The following PLCB4 variants were observed in gnomAD, a reference collection of about 807,000 sequenced individuals.
The protein encoded by PLCB4 is phospholipase C beta 4, also known as 1-phosphatidylinositol 4,5-bisphosphate phosphodiesterase beta-4.
In PLCB4, 77 loss-of-function variants were observed where a neutral mutation model predicts 178.8. That is an observed-to-expected ratio of 0.43 (90% CI 0.36 to 0.52). PLCB4 has a LOEUF of 0.52. Ranked by LOEUF, PLCB4 falls within the 20% of genes least tolerant of loss-of-function variation. The pLI, the probability that PLCB4 is intolerant of heterozygous loss-of-function variation, is 0.00. For synonymous variants in PLCB4, 496 were observed against 490.8 expected (o/e 1.01, Z -0.14); for missense variants, 1,024 against 1,453.4 (o/e 0.70, Z 4.80).
intron 2 of PLCB4, among the ~76,000 whole-genome samples, chr20:9,153,366 A>AG (rs1226979484): frequency 2.0e-5 from 3 of 152,144 alleles, no homozygotes; most frequent in African/African-American, 7.2e-5. Flanking sequence ...GGAGTGTCCC[A>AG]GGGGGAGGTA....
chr20:9,353,467 A>G (rs574816247), intron 7 of PLCB4, among the ~76,000 whole-genome samples: 1 of 152,356 alleles, frequency 6.6e-6, no homozygotes, highest in African/African-American at 2.4e-5. Context: ...GACATGAAAG[A>G]GAGAACTTGT....
chr20:9,204,659 G>A (rs1157092319), intron 2 of PLCB4, among the ~76,000 whole-genome samples: 1 of 151,950 alleles, frequency 6.6e-6, no homozygotes, highest in African/African-American at 2.4e-5. Flanking sequence ...CACCGCGCCC[G>A]GCCGCTCTAA....
At chr20:9,186,390 T>A (rs1035154305) in intron 2 of PLCB4, among the ~76,000 whole-genome samples, 23 of 152,330 alleles carry the variant, frequency 1.5e-4, no homozygotes, top group African/African-American at 5.3e-4. Flanking sequence ...TTCCATTTGA[T>A]CCTCAGAGGT....
chr20:9,154,909 T>TTCCCTCCTTCCTTCCTTCCC (rs1300288512), intron 2 of PLCB4, among the ~76,000 whole-genome samples: 1 of 67,142 alleles, frequency 1.5e-5, no homozygotes, highest in Non-Finnish European at 2.9e-5. Context: ...CCTTCCCTCC[T>TTCCCTCCTTCCTTCCTTCCC]TCCTTCCTTC....
Position 9,458,102 on chromosome 20 carries a change from GA to G in PLCB4, c.3072+623del, listed in dbSNP as rs199867958. Among the ~76,000 whole-genome samples the G allele has an allele frequency of 3.6e-4, 53 of 146,574 alleles. No individual in the cohort carries two copies. In the East Asian group the frequency reaches 4.2e-3, roughly 12 times the overall value. ...TTTTTAAATGAAAAGGAAAAAAAAA[GA>G]AAAAAAAAACCAACAACAACTGTTA... On this transcript the variant is annotated intron_variant, in intron 34 of 39. Transcript: ENST00000378473.
At chr20:9,278,539 A>T (rs983869945) in intron 3 of PLCB4, among the ~76,000 whole-genome samples, 6 of 152,086 alleles carry the variant, frequency 3.9e-5, no homozygotes, top group Non-Finnish European at 4.4e-5. Context: ...TTATTAATTT[A>T]TCCATGGTTA....
At chr20:9,466,863 C>G (rs756747842) in intron 35 of PLCB4, among the ~76,000 whole-genome samples, 1 of 152,164 alleles carries the variant, frequency 6.6e-6, no homozygotes, top group Non-Finnish European at 1.5e-5. Flanking sequence ...TTGTGGAAGA[C>G]AGTGTGGCGA....
At chr20:9,129,916 T>C (rs888082691) in intron 2 of PLCB4, among the ~76,000 whole-genome samples, 2 of 152,162 alleles carry the variant, frequency 1.3e-5, no homozygotes, top group African/African-American at 4.8e-5. Flanking sequence ...TTGTTTTCTA[T>C]ATATAGATTC....
intron 14 of PLCB4, 56 bp from the exon 15 acceptor site, chr20:9,387,407 G>T: frequency 1.2e-6 from 1 of 857,422 alleles, no homozygotes; most frequent in Non-Finnish European, 1.9e-6. Context: ...CTTTTAATTT[G>T]TATGAACACT....
At chr20:9,257,704 C>T (rs111779693) in intron 3 of PLCB4, among the ~76,000 whole-genome samples, 4 of 152,200 alleles carry the variant, frequency 2.6e-5, no homozygotes, top group African/African-American at 4.8e-5. Context: ...CTTTTGGCTT[C>T]GAGATCTTTC....
intron 14 of PLCB4, among the ~76,000 whole-genome samples, chr20:9,387,042 A>G (rs1275947637): frequency 2.0e-5 from 3 of 151,628 alleles, no homozygotes; most frequent in South Asian, 2.1e-4. Context: ...CAGCCTCCCA[A>G]GTAGCCATCA....
intron 12 of PLCB4, among the ~76,000 whole-genome samples, chr20:9,374,546 C>T (rs138919556): frequency 7.2e-4 from 109 of 152,202 alleles, no homozygotes; most frequent in African/African-American, 2.6e-3. Flanking sequence ...AGAGGGAAGA[C>T]GGTTTAGTGT....
chr20:9,108,899 AAG>A (rs34242182), intron 2 of PLCB4, among the ~76,000 whole-genome samples: 98,316 of 142,236 alleles, frequency 0.69, 33,810 homozygotes, highest in East Asian at 0.83. Context: ...GAGAGAAAAC[AAG>A]AGAGAGAGAG....
chr20:9,258,699 A>G, intron 3 of PLCB4, among the ~76,000 whole-genome samples: 1 of 137,772 alleles, frequency 7.3e-6, no homozygotes, highest in South Asian at 2.3e-4. Context: ...TGGGTGACAG[A>G]GCTAGACTTC....
intron 23 of PLCB4, 143 bp downstream of exon 23, chr20:9,408,860 A>G: frequency 4.3e-6 from 3 of 696,076 alleles, no homozygotes; most frequent in South Asian, 1.7e-5. Context: ...AGCTGTGACA[A>G]TCTGCCCAAA....
chr20:9,167,872 T>G (rs571680882), intron 2 of PLCB4, among the ~76,000 whole-genome samples: 1 of 152,206 alleles, frequency 6.6e-6, no homozygotes, highest in African/African-American at 2.4e-5. Flanking sequence ...CCACAGATAT[T>G]TGAGCATAAA....
At chr20:9,453,175 C>CA (rs1003637077) in intron 32 of PLCB4, among the ~76,000 whole-genome samples, 172 bp from the exon 33 acceptor site, 3 of 152,074 alleles carry the variant, frequency 2.0e-5, no homozygotes, top group Non-Finnish European at 2.9e-5. Flanking sequence ...TGCCCTTGGA[C>CA]AAAAAAACCG....
intron 3 of PLCB4, among the ~76,000 whole-genome samples, chr20:9,306,622 C>G (rs1383006277): frequency 6.6e-6 from 1 of 152,162 alleles, no homozygotes; most frequent in African/African-American, 2.4e-5. Flanking sequence ...CCTGCTCACC[C>G]TCTTTCCTTG....
intron 2 of PLCB4, among the ~76,000 whole-genome samples, chr20:9,125,414 T>C (rs1016890888): frequency 6.6e-6 from 1 of 152,228 alleles, no homozygotes; most frequent in African/African-American, 2.4e-5. Flanking sequence ...GTGTGTTTTT[T>C]TTCAAACCAC....
Sources: allele counts gnomAD v4.1 joint callset (sites outside exome capture counted in the v4.1 genomes callset), GRCh38; gene constraint gnomAD v4.1.1; transcripts MANE v1.5; gene names NCBI Gene and HGNC (gene_info 2026-07-23, HGNC 2026-07-21).